Variants in SCN3A observed in about 807,000 individuals in gnomAD.
SCN3A encodes the protein sodium channel protein type 3 subunit alpha.
A neutral mutation model predicts 187.6 loss-of-function variants in SCN3A; 60 were observed. The ratio of observed to expected loss-of-function variants is 0.32; its 90% CI spans 0.26 to 0.40. The LOEUF is 0.40. SCN3A is among the 10% of genes least tolerant of loss of function. SCN3A has a pLI of 1.00. For synonymous variants in SCN3A, 788 were observed against 829.2 expected, an observed-to-expected ratio of 0.95 and a Z score of 0.85; for missense variants, 1,601 against 2,428.2, an observed-to-expected ratio of 0.66 and a Z score of 7.16.
intron 1 of SCN3A, among the ~76,000 whole-genome samples, chr2:165,190,563 T>C (rs1439497580): frequency 2.0e-5 from 3 of 146,730 alleles, no homozygotes; most frequent in African/African-American, 7.4e-5. Context: ...TAACTTTATA[T>C]ATAACTATAT....
chr2:165,096,497 A>G lies in SCN3A; in HGVS notation c.4263T>C (p.Asp1421=). The G allele has an allele frequency of 1.2e-6, 2 of 1,611,830 alleles. No individual in the cohort carries two copies. Among genetic ancestry groups the G allele is most frequent in the Non-Finnish European group, 1.7e-6 (2 of 1,178,164 alleles). ...GTGAATCAACAGCTGCATACATAAT[A>G]TCCATCCAGCCTTTAAATGTGGCCT... ...LQVATFKGWM[D]IMYAAVDSRD... Residue 1421 remains aspartate, a synonymous_variant, in exon 24 of 28, where the codon GAT becomes GAC. Transcript: ENST00000283254.
intron 12 of SCN3A, among the ~76,000 whole-genome samples, chr2:165,142,804 G>A (rs1473167492): frequency 2.0e-5 from 3 of 152,010 alleles, no homozygotes; most frequent in African/African-American, 7.2e-5. Context: ...AGGCTGGAGT[G>A]CAGTGGTACA....
intron 18 of SCN3A, among the ~76,000 whole-genome samples, chr2:165,117,106 G>T (rs1686409837): frequency 6.6e-6 from 1 of 151,988 alleles, no homozygotes; most frequent in Admixed American, 6.6e-5. Flanking sequence ...GGGTAGAATT[G>T]TAGCAGCTTC....
Position 165,149,493 on chromosome 2 carries a change from A to G in SCN3A, c.1381-2464T>C, listed in dbSNP as rs143801987. 9.2e-5 allele frequency among the ~76,000 whole-genome samples: 14 copies of G among 152,268 alleles called. No individual in the cohort carries two copies. The East Asian group carries it at 2.5e-3, about 27-fold the overall frequency. On this transcript the variant is annotated intron_variant, in intron 11 of 27. Coordinates refer to ENST00000283254, the MANE Select transcript of SCN3A (RefSeq NM_006922.4). ...CCCGGCCACAAACTTTGTTTTGCAT[A>G]AGACATTATTTCCAAACCTATTCTG...
At chr2:165,181,017 A>G (rs1300047404) in intron 2 of SCN3A, among the ~76,000 whole-genome samples, 1 of 152,216 alleles carries the variant, frequency 6.6e-6, no homozygotes, top group Non-Finnish European at 1.5e-5. Flanking sequence ...TTGTATGTTT[A>G]TACAGACAAT....
intron 14 of SCN3A, 43 bp from the exon 15 acceptor site, chr2:165,138,160 A>T (rs1175655341): frequency 7.2e-7 from 1 of 1,381,004 alleles, no homozygotes; most frequent in Non-Finnish European, 1.0e-6. Context: ...TAACAACAAA[A>T]ATGAGTTATT....
Position 165,097,350 on chromosome 2 carries a change from A to G in SCN3A, c.4141T>C (p.Leu1381=). ...TTGCCAAGAGCCTGACAGTCACTCA[A>G]ATTGTTAACATCACTAATGTCAAAC... ...NMFDISDVNN[L]SDCQALGKQA... is the part of the protein sequence containing the mutation. The change falls in exon 23 of 28, where the codon TTG becomes CTG. Residue 1381 remains leucine (L), a synonymous_variant. Coordinates refer to ENST00000283254, the MANE Select transcript of SCN3A (RefSeq NM_006922.4). 1 of 1,614,144 alleles carries G rather than the reference A, an allele frequency of 6.2e-7. No individual in the cohort carries two copies. Among genetic ancestry groups the G allele is most frequent in the South Asian group, 1.1e-5 (1 of 91,076 alleles).
At position 165,137,894 on chromosome 2, in the gene SCN3A, C is replaced by A. The variant is rs1279457677; in HGVS notation, c.2376G>T (p.Leu792Phe). 2 of 1,611,736 alleles carry A rather than the reference C, an allele frequency of 1.2e-6. No individual in the cohort carries two copies. Among genetic ancestry groups the A allele is most frequent in the South Asian group, 1.1e-5 (1 of 90,958 alleles). ...ATGTACTTACCAGGTTTCCTACAGT[C>A]AACACACTACTGAATTGCTCAGTCA... ...YPMTEQFSSV[L>F]TVGNLVFTGI... Residue 792 changes from leucine to phenylalanine, a missense_variant, in exon 15 of 28, where the codon TTG becomes TTT. Leu to Phe is a conservative substitution (Grantham distance 22). Around this residue, in one of 11 missense-constraint regions of SCN3A, gnomAD observed 376 missense variants for 476.0 expected, o/e 0.79. Coordinates refer to ENST00000283254, the MANE Select transcript of SCN3A (RefSeq NM_006922.4).
At chr2:165,127,571 A>C in intron 18 of SCN3A, 60 bp downstream of exon 18, 1 of 1,318,038 alleles carries the variant, frequency 7.6e-7, no homozygotes, top group Non-Finnish European at 1.1e-6. Context: ...GAAAATAGTA[A>C]ATAACTGTAG....
chr2:165,138,164 A>G, intron 14 of SCN3A, 47 bp from the exon 15 acceptor site: 1 of 1,321,860 alleles, frequency 7.6e-7, no homozygotes, highest in Non-Finnish European at 1.1e-6. Flanking sequence ...AACAAAAATG[A>G]GTTATTATTG....
At chr2:165,161,732 C>G (rs761909584) in intron 9 of SCN3A, among the ~76,000 whole-genome samples, 1 of 152,194 alleles carries the variant, frequency 6.6e-6, no homozygotes, top group Non-Finnish European at 1.5e-5. Context: ...ATTATGGCAT[C>G]TTTTGTTGTA....
At chr2:165,193,952 C>T (rs919811223) in intron 1 of SCN3A, among the ~76,000 whole-genome samples, 1 of 152,050 alleles carries the variant, frequency 6.6e-6, no homozygotes, top group Non-Finnish European at 1.5e-5. Flanking sequence ...CAGCAAAAAA[C>T]CAATCACATA....
chr2:165,192,566 AG>A, intron 1 of SCN3A, among the ~76,000 whole-genome samples: 1 of 152,236 alleles, frequency 6.6e-6, no homozygotes, highest in East Asian at 1.9e-4. Flanking sequence ...AATTAATCAA[AG>A]CCTCTCTACA....
rs969213606 is a variant in SCN3A at position 165,203,916 on chromosome 2, T to C, written c.-341A>G. 1.5e-5 allele frequency: 1 copy of C among 67,868 alleles called. No individual in the cohort carries two copies. The highest frequency in any genetic ancestry group is 3.2e-4 in the South Asian group (1 of 3,156). The allele number at this position is 67,868 out of a possible 1,614,324, so 4.2% of individuals were successfully genotyped here. A position where few individuals can be genotyped will look rare whatever the true frequency, so the allele number is the denominator to read the frequency against. ...GTGTCTTCCTCTGCAGCTGTTCAGC[T>C]TTTTTTTTTTTTTTTTTTTTTGACC... On this transcript the variant is annotated 5_prime_UTR_variant, in exon 1 of 28. Transcript: ENST00000283254.
chr2:165,189,676 A>G (rs1333202618), intron 1 of SCN3A, among the ~76,000 whole-genome samples: 1 of 152,154 alleles, frequency 6.6e-6, no homozygotes, highest in African/African-American at 2.4e-5. Flanking sequence ...AATATTCTAG[A>G]GGCAAGTTTG....
intron 3 of SCN3A, among the ~76,000 whole-genome samples, chr2:165,173,881 G>T (rs763540827): frequency 6.6e-6 from 1 of 152,108 alleles, no homozygotes; most frequent in Non-Finnish European, 1.5e-5. Flanking sequence ...TAGATGTCTC[G>T]CAAGATGGTT....
chr2:165,108,511 T>G (rs2105691824), intron 21 of SCN3A, among the ~76,000 whole-genome samples: 1 of 152,294 alleles, frequency 6.6e-6, no homozygotes, highest in Non-Finnish European at 1.5e-5. Flanking sequence ...CAATAAATAC[T>G]TCATGATGGT....
At position 165,127,674 on chromosome 2, in the gene SCN3A, G is replaced by C. The variant is rs767706892; in HGVS notation, c.3350C>G (p.Thr1117Ser). Residue 1117 changes from threonine (T) to serine (S), a missense_variant, in exon 18 of 28, where the codon ACT (threonine) becomes AGT (serine). This residue lies in a region of SCN3A where 267 missense variants were observed against 313.2 expected (regional missense o/e 0.85). Transcript: ENST00000283254. ...TTCTGACTCACTGCTGAACTCTTCAGTATTTAAGTTTTCAAAGTCAGACTC... is the reference window on the plus strand; with the variant it reads ...TTCTGACTCACTGCTGAACTCTTCACTATTTAAGTTTTCAAAGTCAGACTC... The part of the protein sequence containing the change: ...VGESDFENLN[T>S]EEFSSESELE... 6.2e-7 allele frequency: 1 copy of C among 1,614,086 alleles called. No individual in the cohort carries two copies. Among genetic ancestry groups the C allele is most frequent in the Non-Finnish European group, 8.5e-7 (1 of 1,179,990 alleles).
chr2:165,142,220 T>C (rs1688051921), intron 12 of SCN3A, among the ~76,000 whole-genome samples: 1 of 152,188 alleles, frequency 6.6e-6, no homozygotes. Context: ...TTCTCTTTCT[T>C]CTAAGCTTTA....
Sources: gnomAD v4.1 joint callset for allele counts (sites outside exome capture counted in the v4.1 genomes callset) on GRCh38, gnomAD v4.1.1 for gene constraint, gnomAD v4.1.1 regional missense constraint, MANE v1.5 for transcripts, NCBI Gene and HGNC (gene_info 2026-07-23, HGNC 2026-07-21) for gene names.